Variants in EFCAB13 observed in about 807,000 individuals in gnomAD.
EFCAB13 encodes the protein EF-hand calcium binding domain 13.
In EFCAB13, 91 loss-of-function variants were observed where a neutral mutation model predicts 110.2. That is an observed-to-expected ratio of 0.83 (90% CI 0.70 to 0.98). The LOEUF (loss-of-function observed/expected upper bound fraction) is 0.98. EFCAB13 is among the 50% of genes least tolerant of loss of function. EFCAB13 has a pLI of 0.00. For missense variants in EFCAB13, 968 were observed against 1,119.4 expected (o/e 0.86, Z 1.93); for synonymous variants, 323 against 369.9 (o/e 0.87, Z 1.45).
intron 8 of EFCAB13, among the ~76,000 whole-genome samples, chr17:47,346,432 T>TTCCCCC (rs1430949131): frequency 3.3e-5 from 1 of 30,204 alleles, no homozygotes; most frequent in African/African-American, 9.6e-5. Flanking sequence ...TAACGTACTT[T>TTCCCCC]ACCCCCCCCC....
chr17:47,418,526 T>G (rs1726038656), intron 23 of EFCAB13, among the ~76,000 whole-genome samples: 1 of 152,212 alleles, frequency 6.6e-6, no homozygotes, highest in Admixed American at 6.5e-5. Flanking sequence ...TTTTCACATT[T>G]TGTTAGTTGT....
intron 4 of EFCAB13, among the ~76,000 whole-genome samples, chr17:47,331,247 T>G (rs2065318116): frequency 6.6e-6 from 1 of 152,102 alleles, no homozygotes; most frequent in African/African-American, 2.4e-5. Context: ...TGATTATTAT[T>G]TTTGCTGTGT....
At position 47,421,037 on chromosome 17, in the gene EFCAB13, C is replaced by T. The variant is rs1245826846; in HGVS notation, c.2494+6118C>T. Among the ~76,000 whole-genome samples, 6 of 151,302 alleles carry T rather than the reference C, an allele frequency of 4.0e-5. No individual in the cohort carries two copies. In the East Asian group the frequency reaches 9.9e-4, roughly 25 times the overall value. On this transcript the variant is annotated intron_variant, in intron 23 of 24. Transcript: ENST00000331493. The stretch of plus-strand genomic sequence containing the variant: ...GAGGGAGGTGGGGGGGTCAGCCCCC[C>T]GCCCGGCCAGCCACCCCGCCCGGGA...
chr17:47,378,403 G>A (rs1314386788), intron 13 of EFCAB13, among the ~76,000 whole-genome samples: 1 of 152,112 alleles, frequency 6.6e-6, no homozygotes, highest in Non-Finnish European at 1.5e-5. Flanking sequence ...AAGTTTCTAG[G>A]AAGGGTTTTT....
chr17:47,370,430 A>G lies in EFCAB13; in HGVS notation c.806-7A>G. 4 of 1,553,744 alleles carry G rather than the reference A, an allele frequency of 2.6e-6. No homozygotes were observed. Among genetic ancestry groups the G allele is most frequent in the East Asian group, 2.3e-5 (1 of 44,308 alleles). ...TAAATACAGTATTTGAACTTATTCT[A>G]TTACAGGTAACCACATGGTGGATAT... On this transcript the variant is annotated splice_region_variant and splice_polypyrimidine_tract_variant and intron_variant, in intron 10 of 24. Transcript: ENST00000331493.
intron 18 of EFCAB13, among the ~76,000 whole-genome samples, chr17:47,403,471 G>A (rs1405160906): frequency 6.6e-6 from 1 of 152,164 alleles, no homozygotes. Context: ...TTGGGTCCTG[G>A]TGGAACTGAA....
intron 21 of EFCAB13, among the ~76,000 whole-genome samples, chr17:47,412,360 C>T (rs968044255): frequency 1.3e-5 from 2 of 152,106 alleles, no homozygotes; most frequent in Admixed American, 6.5e-5. Context: ...GTGCCTTTTC[C>T]CAATTCACAC....
intron 24 of EFCAB13, among the ~76,000 whole-genome samples, chr17:47,436,287 T>C (rs1449718598): frequency 6.6e-6 from 1 of 152,154 alleles, no homozygotes; most frequent in African/African-American, 2.4e-5. Flanking sequence ...GCTGGCTTCA[T>C]AGAATGAATT....
At chr17:47,361,657 C>CCAGTAAACAG in intron 10 of EFCAB13, 136 bp downstream of exon 10, 1 of 647,642 alleles carries the variant, frequency 1.5e-6, no homozygotes, top group South Asian at 3.1e-5. Context: ...GCCATTGACA[C>CCAGTAAACAG]TGTTTACTGG....
At chr17:47,334,846 T>C (rs1469762024) in intron 4 of EFCAB13, among the ~76,000 whole-genome samples, 2 of 151,816 alleles carry the variant, frequency 1.3e-5, no homozygotes, top group East Asian at 3.9e-4. Flanking sequence ...GCCTGGGAGG[T>C]CAAGGCTGCA....
chr17:47,334,321 ATGTTT>A (rs1413713051), intron 4 of EFCAB13, among the ~76,000 whole-genome samples: 1 of 151,940 alleles, frequency 6.6e-6, no homozygotes, highest in Non-Finnish European at 1.5e-5. Flanking sequence ...CTTTTTTATT[ATGTTT>A]TAAGAGTTCT....
At chr17:47,430,427 A>T (rs1905091226) in intron 24 of EFCAB13, 1 of 158,248 alleles carries the variant, frequency 6.3e-6, no homozygotes, top group South Asian at 2.0e-4. Flanking sequence ...ATTATCCATG[A>T]TGGGTTCTTA....
chr17:47,415,469 T>C (rs1324081488), intron 23 of EFCAB13, among the ~76,000 whole-genome samples: 6 of 152,132 alleles, frequency 3.9e-5, no homozygotes, highest in South Asian at 2.1e-4. Context: ...AAGCCACTTA[T>C]GATGTATAGT....
chr17:47,365,329 A>G (rs1219677489), intron 10 of EFCAB13, among the ~76,000 whole-genome samples: 1 of 152,224 alleles, frequency 6.6e-6, no homozygotes, highest in Non-Finnish European at 1.5e-5. Flanking sequence ...TCATTTTATC[A>G]TATGAATAAG....
intron 4 of EFCAB13, among the ~76,000 whole-genome samples, chr17:47,332,397 A>C (rs1179111309): frequency 6.6e-6 from 1 of 152,190 alleles, no homozygotes; most frequent in African/African-American, 2.4e-5. Flanking sequence ...AATCATTACC[A>C]ACTTTTTTTG....
At chr17:47,418,698 C>G (rs1297410774) in intron 23 of EFCAB13, among the ~76,000 whole-genome samples, 1 of 152,174 alleles carries the variant, frequency 6.6e-6, no homozygotes, top group Non-Finnish European at 1.5e-5. Flanking sequence ...TTATTTGAAT[C>G]CTTAATAAAT....
At chr17:47,381,172 T>C (rs560248541) in intron 14 of EFCAB13, among the ~76,000 whole-genome samples, 1 of 152,274 alleles carries the variant, frequency 6.6e-6, no homozygotes, top group East Asian at 1.9e-4. Context: ...GAGAAGCGTC[T>C]GTTCATATCC....
chr17:47,345,225 A>G, intron 8 of EFCAB13, 127 bp downstream of exon 8: 1 of 614,740 alleles, frequency 1.6e-6, no homozygotes, highest in Non-Finnish European at 2.8e-6. Context: ...AATACATGGT[A>G]TGGCAAATGC....
At position 47,435,576 on chromosome 17, in the gene EFCAB13, T is replaced by G. The variant is rs528252668; in HGVS notation, c.2639-4855T>G. On this transcript the variant is annotated intron_variant, in intron 24 of 24. Transcript: ENST00000331493. ...GCTATTGTAAAAGGGGTTGAGTTCT[T>G]GATTTGGTTCTCCACTTGGTCACTG... 2.6e-5 allele frequency among the ~76,000 whole-genome samples: 4 copies of G among 152,318 alleles called. No homozygotes were observed. The East Asian group carries it at 7.7e-4, about 29-fold the overall frequency.
Sources: allele counts gnomAD v4.1 joint callset (sites outside exome capture counted in the v4.1 genomes callset), GRCh38; gene constraint gnomAD v4.1.1; transcripts MANE v1.5; gene names NCBI Gene and HGNC (gene_info 2026-07-23, HGNC 2026-07-21).